The following DOCK2 variants were observed in gnomAD, a reference collection of about 807,000 sequenced individuals.
The protein encoded by DOCK2 is dedicator of cytokinesis 2.
Under a neutral mutation model 248.9 loss-of-function variants are expected in DOCK2, and 87 were observed. That is an observed-to-expected ratio of 0.35 (90% CI 0.29 to 0.42). The LOEUF (loss-of-function observed/expected upper bound fraction) is 0.42, where lower values mean the gene tolerates loss of function less well. DOCK2 is among the 10% of genes least tolerant of loss of function. The pLI, the probability that DOCK2 is intolerant of heterozygous loss-of-function variation, is 1.00. For missense variants in DOCK2, 1,747 were observed against 2,300.2 expected, an observed-to-expected ratio of 0.76 and a Z score of 4.92; for synonymous variants, 805 against 821.6, an observed-to-expected ratio of 0.98 and a Z score of 0.35.
At chr5:169,690,880 C>T (rs1194038655) in intron 9 of DOCK2, among the ~76,000 whole-genome samples, 1 of 152,142 alleles carries the variant, frequency 6.6e-6, no homozygotes, top group Non-Finnish European at 1.5e-5. Flanking sequence ...GAGTTGAGAG[C>T]CTTGGTTGAC....
chr5:170,000,695 G>A (rs899683256), intron 30 of DOCK2, among the ~76,000 whole-genome samples: 4 of 152,178 alleles, frequency 2.6e-5, no homozygotes, highest in African/African-American at 9.7e-5. Flanking sequence ...GTGTTAGGCA[G>A]CACTGTCTTT....
intron 40 of DOCK2, among the ~76,000 whole-genome samples, chr5:170,047,880 A>G (rs914484095): frequency 2.6e-5 from 4 of 152,140 alleles, no homozygotes; most frequent in Non-Finnish European, 5.9e-5. Flanking sequence ...GAGGTGTTCA[A>G]AGAGAGGCTG....
At chr5:169,783,508 A>G (rs1765821444) in intron 25 of DOCK2, among the ~76,000 whole-genome samples, 1 of 152,214 alleles carries the variant, frequency 6.6e-6, no homozygotes, top group African/African-American at 2.4e-5. Flanking sequence ...CAGTCCCTGA[A>G]TGGCAATAAA....
intron 26 of DOCK2, among the ~76,000 whole-genome samples, chr5:169,827,867 A>AACACAC (rs143420412): frequency 6.6e-6 from 1 of 150,460 alleles, no homozygotes; most frequent in Non-Finnish European, 1.5e-5. Flanking sequence ...AAACATTAAA[A>AACACAC]ACACACACAC....
At chr5:169,780,331 G>C (rs1270419824) in intron 25 of DOCK2, among the ~76,000 whole-genome samples, 1 of 114,476 alleles carries the variant, frequency 8.7e-6, no homozygotes, top group Non-Finnish European at 2.2e-5. Flanking sequence ...GTGTGTGTGT[G>C]TGTGTGTGTT....
chr5:169,950,183 A>G (rs2113723499), intron 27 of DOCK2, among the ~76,000 whole-genome samples: 1 of 152,254 alleles, frequency 6.6e-6, no homozygotes, highest in Non-Finnish European at 1.5e-5. Flanking sequence ...GGTGGTTGGA[A>G]GCTTGGTCAC....
At chr5:169,854,135 G>A (rs1274088364) in intron 27 of DOCK2, among the ~76,000 whole-genome samples, 1 of 150,300 alleles carries the variant, frequency 6.7e-6, no homozygotes, top group Non-Finnish European at 1.5e-5. Flanking sequence ...AAACAACTTT[G>A]ACACTATTTC....
At chr5:169,747,876 C>T (rs1270749419) in intron 23 of DOCK2, among the ~76,000 whole-genome samples, 2 of 152,220 alleles carry the variant, frequency 1.3e-5, no homozygotes, top group Non-Finnish European at 2.9e-5. Flanking sequence ...CCTCAATAAA[C>T]AAGAGGTGCT....
chr5:169,691,077 T>TG (rs1296625199), intron 9 of DOCK2, among the ~76,000 whole-genome samples: 4 of 152,126 alleles, frequency 2.6e-5, no homozygotes, highest in African/African-American at 7.2e-5. Context: ...TCTCGACTTC[T>TG]GGGGGGGCCT....
At chr5:169,985,756 A>T in intron 28 of DOCK2, 72 bp from the exon 29 acceptor site, 1 of 1,317,130 alleles carries the variant, frequency 7.6e-7, no homozygotes, top group Non-Finnish European at 1.0e-6. Flanking sequence ...ATAGCAAAAA[A>T]ATTTGAAGAG....
At chr5:169,952,575 A>C (rs1776704167) in intron 27 of DOCK2, among the ~76,000 whole-genome samples, 1 of 152,132 alleles carries the variant, frequency 6.6e-6, no homozygotes, top group African/African-American at 2.4e-5. Flanking sequence ...ACTTCAGCAC[A>C]TGAGACTGTA....
rs548942243 is a variant in DOCK2, at chr5:169,780,020, G to C, written c.2554+18395G>C. ...GCAGTAAGGCACACCTTGCCAAGGT[G>C]AGCATTATTTTTTTCTCAGACCCAG... On this transcript the variant is annotated intron_variant, in intron 25 of 51. Coordinates refer to ENST00000520908, the MANE Select transcript of DOCK2 (RefSeq NM_004946.3). Among the ~76,000 whole-genome samples the C allele has an allele frequency of 4.6e-5, 7 of 152,314 alleles. No individual in the cohort carries two copies. In the South Asian group the frequency reaches 1.2e-3, roughly 27 times the overall value.
chr5:170,030,361 G>T (rs984922334), intron 34 of DOCK2, among the ~76,000 whole-genome samples: 1 of 152,124 alleles, frequency 6.6e-6, no homozygotes, highest in African/African-American at 2.4e-5. Flanking sequence ...ACATCCATGG[G>T]GCCCCTGTGC....
chr5:169,665,433 T>C (rs1179523109), intron 2 of DOCK2, among the ~76,000 whole-genome samples: 1 of 68,188 alleles, frequency 1.5e-5, no homozygotes, highest in African/African-American at 5.1e-5. Context: ...TATATGTATA[T>C]ACACATGTTT....
intron 29 of DOCK2, among the ~76,000 whole-genome samples, chr5:169,991,310 G>A (rs1778199673): frequency 6.6e-6 from 1 of 152,216 alleles, no homozygotes; most frequent in African/African-American, 2.4e-5. Context: ...AGCAGGCTCT[G>A]TGAGGCCTCA....
At position 169,887,786 on chromosome 5, in the gene DOCK2, C is replaced by T. The variant is rs978485415; in HGVS notation, c.2799+46934C>T. Among the ~76,000 whole-genome samples the T allele has an allele frequency of 9.2e-5, 14 of 152,274 alleles. No individual in the cohort carries two copies. The South Asian group carries it at 1.4e-3, about 16-fold the overall frequency. ...CAAAGTAGCTGTGCATTTTAGATTT[C>T]GTTGATACTACCATGTTACCACTCA... is the stretch of plus-strand genomic sequence containing the variant. On this transcript the variant is annotated intron_variant, in intron 27 of 51. Transcript: ENST00000520908.
At chr5:169,885,534 G>A (rs1409217021) in intron 27 of DOCK2, among the ~76,000 whole-genome samples, 4 of 152,130 alleles carry the variant, frequency 2.6e-5, no homozygotes, top group African/African-American at 9.7e-5. Flanking sequence ...ATTTCTTATT[G>A]CTTTTCAGGA....
At chr5:170,076,301 G>C (rs912737700) in intron 47 of DOCK2, among the ~76,000 whole-genome samples, 1 of 152,192 alleles carries the variant, frequency 6.6e-6, no homozygotes, top group African/African-American at 2.4e-5. Flanking sequence ...CAACTGGATT[G>C]TGCAGATACC....
Position 170,069,741 on chromosome 5 carries a change from C to T in DOCK2, c.4728+521C>T, listed in dbSNP as rs149797599. Among the ~76,000 whole-genome samples, 329 of 152,222 alleles carry T rather than the reference C, an allele frequency of 2.2e-3. 4 individuals are homozygous for T. The South Asian group carries it at 0.023, about 11-fold the overall frequency. The stretch of plus-strand genomic sequence containing the variant: ...CAAAGGGTCTACATCCCACACAAGC[C>T]GCTGCTCAGCCCACGGGCTTAGAAG... On this transcript the variant is annotated intron_variant, in intron 46 of 51. Transcript: ENST00000520908.
Sources: gnomAD v4.1 joint callset for allele counts (sites outside exome capture counted in the v4.1 genomes callset) on GRCh38, gnomAD v4.1.1 for gene constraint, MANE v1.5 for transcripts, NCBI Gene and HGNC (gene_info 2026-07-23, HGNC 2026-07-21) for gene names.